Variants in FLT1 observed in about 807,000 individuals in gnomAD.
FLT1 encodes fms related receptor tyrosine kinase 1, also known as vascular endothelial growth factor receptor 1.
A neutral mutation model predicts 156.3 loss-of-function variants in FLT1; 49 were observed. That is an observed-to-expected ratio of 0.31 (90% CI 0.25 to 0.40). The LOEUF (loss-of-function observed/expected upper bound fraction) is 0.40, where lower values mean the gene tolerates loss of function less well. FLT1 is among the 10% of genes least tolerant of loss of function. The pLI is 1.00. For missense variants in FLT1, 1,322 were observed against 1,637.2 expected, an observed-to-expected ratio of 0.81 and a Z score of 3.32; for synonymous variants, 594 against 583.8, an observed-to-expected ratio of 1.02 and a Z score of -0.25.
chr13:28,413,340 T>C (rs546471829), intron 10 of FLT1, among the ~76,000 whole-genome samples: 5 of 152,092 alleles, frequency 3.3e-5, no homozygotes, highest in African/African-American at 1.2e-4. Flanking sequence ...TGCTGGCTTC[T>C]AGAGTGAGTG....
At chr13:28,381,792 G>A (rs974751531) in intron 14 of FLT1, among the ~76,000 whole-genome samples, 6 of 152,050 alleles carry the variant, frequency 3.9e-5, no homozygotes, top group African/African-American at 1.2e-4. Flanking sequence ...TACTCTAAAG[G>A]TCCCTTGAGC....
At chr13:28,395,073 G>A (rs1874962830) in intron 12 of FLT1, among the ~76,000 whole-genome samples, 4 of 152,146 alleles carry the variant, frequency 2.6e-5, no homozygotes, top group Admixed American at 2.6e-4. Context: ...TTTTCTGCAC[G>A]GCCAGGTGCT....
chr13:28,321,347 A>G lies in FLT1; in HGVS notation c.3174+116T>C, dbSNP rs1441705847. Reference sequence around the variant, plus strand: ...GCTCATCTGGACTGTTTGTCTTCACAGAAAGCCAATGATGGTTTTCAGGGA... The same window carrying G: ...GCTCATCTGGACTGTTTGTCTTCACGGAAAGCCAATGATGGTTTTCAGGGA... On this transcript the variant is annotated intron_variant, in intron 23 of 29. Coordinates refer to ENST00000282397, the MANE Select transcript of FLT1 (RefSeq NM_002019.4). 6 of 1,300,300 alleles carry G rather than the reference A, an allele frequency of 4.6e-6. No homozygotes were observed. In the African/African-American group the frequency reaches 5.8e-5, roughly 13 times the overall value. The allele number at this position is 1,300,300 out of a possible 1,614,324, so 80.5% of individuals were successfully genotyped here.
At chr13:28,366,718 G>A (rs1377832185) in intron 14 of FLT1, among the ~76,000 whole-genome samples, 1 of 152,090 alleles carries the variant, frequency 6.6e-6, no homozygotes, top group Admixed American at 6.6e-5. Context: ...TAATCCACCT[G>A]CCTGGGCCTC....
chr13:28,470,928 T>C (rs549369506), intron 1 of FLT1, among the ~76,000 whole-genome samples: 2 of 152,116 alleles, frequency 1.3e-5, no homozygotes, highest in Non-Finnish European at 2.9e-5. Context: ...TGACCTCAGG[T>C]GATCCGCCCA....
intron 3 of FLT1, among the ~76,000 whole-genome samples, chr13:28,445,088 CA>C (rs1399557415): frequency 1.3e-5 from 2 of 151,930 alleles, no homozygotes; most frequent in East Asian, 3.9e-4. Context: ...TTTTCTAAAC[CA>C]AAAGCTGGTT....
At chr13:28,308,476 G>A in intron 28 of FLT1, 13 of 333,142 alleles carry the variant, frequency 3.9e-5, no homozygotes, top group Middle Eastern at 1.0e-3. Context: ...CTGCTTGCAG[G>A]AACGCGCTCT....
chr13:28,485,258 C>T (rs1881087003), intron 1 of FLT1, among the ~76,000 whole-genome samples: 1 of 152,064 alleles, frequency 6.6e-6, no homozygotes. Context: ...GAAAAAGGTG[C>T]TAAATCAGGG....
intron 11 of FLT1, among the ~76,000 whole-genome samples, chr13:28,405,418 T>C (rs1024105672): frequency 3.3e-5 from 5 of 152,188 alleles, no homozygotes; most frequent in Non-Finnish European, 7.4e-5. Flanking sequence ...CGTTAGGTAC[T>C]GGAATCACCT....
chr13:28,465,857 C>T (rs888104640), intron 3 of FLT1, among the ~76,000 whole-genome samples: 6 of 142,474 alleles, frequency 4.2e-5, no homozygotes, highest in South Asian at 4.2e-4. Context: ...CAAACAACAA[C>T]GAAAAAGAAC....
At chr13:28,408,139 A>C (rs1462908258) in intron 10 of FLT1, among the ~76,000 whole-genome samples, 3 of 152,236 alleles carry the variant, frequency 2.0e-5, no homozygotes, top group Admixed American at 2.0e-4. Context: ...AAGGAAAAAG[A>C]TCGGGGATAC....
chr13:28,303,481 A>C, intron 29 of FLT1, 113 bp from the exon 30 acceptor site: 1 of 818,320 alleles, frequency 1.2e-6, no homozygotes, highest in Non-Finnish European at 1.9e-6. Flanking sequence ...TCTAGAGTTC[A>C]TGGTTTTGGA....
In FLT1 at chr13:28,412,385, T is replaced by TTTCTTTCTTTCTTTCCTTCCTTCC. The variant is rs1566013163; in HGVS notation, c.1437-6492_1437-6491insGGAAGGAAGGAAAGAAAGAAAGAA. On this transcript the variant is annotated intron_variant, in intron 10 of 29. Transcript: ENST00000282397. ...CTTTCTTTCTTTCTTTCTTTCTTTC[T>TTTCTTTCTTTCTTTCCTTCCTTCC]TTCTTTCTTTCTTTCTTTCTTTCTT... 1.4e-4 allele frequency among the ~76,000 whole-genome samples: 12 copies of TTTCTTTCTTTCTTTCCTTCCTTCC among 85,024 alleles called. 1 individual carries two copies. Among genetic ancestry groups the TTTCTTTCTTTCTTTCCTTCCTTCC allele is most frequent in the South Asian group, 8.8e-4 (2 of 2,260 alleles). The allele number at this position is 85,024 out of a possible 152,430, so 55.8% of individuals were successfully genotyped here.
In FLT1 at chr13:28,317,871, G is replaced by A. The variant is rs113931138; in HGVS notation, c.3287-274C>T. 1.9e-3 allele frequency among the ~76,000 whole-genome samples: 290 copies of A among 152,316 alleles called. 1 individual carries two copies. Among genetic ancestry groups the A allele is most frequent in the African/African-American group, 6.6e-3 (275 of 41,570 alleles). On this transcript the variant is annotated intron_variant, in intron 24 of 29. Transcript: ENST00000282397. Reference sequence around the variant, plus strand: ...GGCTACTTCTGCCTGTGTGGTCAGAGGAAGGGGTGTCGTCTGAAGGGTCCT... The same window carrying A: ...GGCTACTTCTGCCTGTGTGGTCAGAAGAAGGGGTGTCGTCTGAAGGGTCCT...
intron 14 of FLT1, among the ~76,000 whole-genome samples, chr13:28,369,456 T>C (rs367813237): frequency 8.2e-4 from 124 of 152,126 alleles, no homozygotes; most frequent in African/African-American, 2.7e-3. Flanking sequence ...ACCCAGGAGA[T>C]GGAGGTCGCA....
intron 11 of FLT1, among the ~76,000 whole-genome samples, chr13:28,402,857 T>G (rs1875540417): frequency 6.6e-6 from 1 of 152,158 alleles, no homozygotes; most frequent in South Asian, 2.1e-4. Flanking sequence ...TGGCACAGTG[T>G]TGGCTCACTG....
intron 17 of FLT1, among the ~76,000 whole-genome samples, chr13:28,335,399 CCCTT>C (rs962611628): frequency 6.6e-6 from 1 of 152,140 alleles, no homozygotes; most frequent in Non-Finnish European, 1.5e-5. Context: ...CTTCTTTCCT[CCCTT>C]CCTTCCTCAT....
rs1467823694 is a variant in FLT1 at position 28,389,844 on chromosome 13, C to T, written c.1921G>A (p.Val641Ile). The T allele has an allele frequency of 6.2e-7, 1 of 1,614,194 alleles. No individual in the cohort carries two copies. Among genetic ancestry groups the T allele is most frequent in the South Asian group, 1.1e-5 (1 of 91,084 alleles). The change falls in exon 13 of 30, where the codon GTA becomes ATA. Residue 641 changes from valine (V) to isoleucine (I), a missense_variant. Physicochemically the swap from Val to Ile is conservative, Grantham distance 29. Coordinates refer to ENST00000282397, the MANE Select transcript of FLT1 (RefSeq NM_002019.4). ...TGGAGGATTTCTTCCCCTGTGTATA[C>T]ATTCCTGGCTCTGCAGGCATAGGTG... ...SGTYACRARN[V>I]YTGEEILQKK... is the part of the protein sequence containing the mutation.
chr13:28,358,797 G>T (rs1873002580), intron 14 of FLT1, among the ~76,000 whole-genome samples: 1 of 152,172 alleles, frequency 6.6e-6, no homozygotes, highest in South Asian at 2.1e-4. Context: ...GAATGAGAAT[G>T]AGTGAATACA....
Sources: allele counts gnomAD v4.1 joint callset (sites outside exome capture counted in the v4.1 genomes callset), GRCh38; gene constraint gnomAD v4.1.1; transcripts MANE v1.5; gene names NCBI Gene and HGNC (gene_info 2026-07-23, HGNC 2026-07-21).